LPAR1: variants seen among roughly 807,000 people sequenced by gnomAD.
LPAR1 encodes the protein LPA receptor 1.
In LPAR1, 5 loss-of-function variants were observed where a neutral mutation model predicts 23.8. That is an observed-to-expected ratio of 0.21 (90% CI 0.11 to 0.44). The LOEUF is 0.44. Ranked by LOEUF, LPAR1 falls within the 20% of genes least tolerant of loss-of-function variation. LPAR1 has a pLI of 0.99. For synonymous variants in LPAR1, 160 were observed against 164.7 expected, an observed-to-expected ratio of 0.97 and a Z score of 0.22; for missense variants, 311 against 482.8, an observed-to-expected ratio of 0.64 and a Z score of 3.33.
chr9:111,009,998 A>AATATATATATATATATATAT (rs55696642), intron 2 of LPAR1, among the ~76,000 whole-genome samples: 5 of 123,426 alleles, frequency 4.1e-5, no homozygotes, highest in Admixed American at 8.5e-5. Context: ...TAATTAGGAA[A>AATATATATATATATATATAT]ATATATATAT....
At chr9:110,970,408 A>G (rs1223308065) in intron 4 of LPAR1, among the ~76,000 whole-genome samples, 1 of 152,176 alleles carries the variant, frequency 6.6e-6, no homozygotes, top group African/African-American at 2.4e-5. Flanking sequence ...AAGGGAAACC[A>G]AACACCCAAA....
intron 4 of LPAR1, among the ~76,000 whole-genome samples, chr9:110,962,699 T>C (rs1199993615): frequency 2.0e-5 from 3 of 152,150 alleles, no homozygotes; most frequent in African/African-American, 7.2e-5. Context: ...ATCAACCCAC[T>C]TTTGCTTTTC....
At chr9:111,037,456 CAAG>C (rs1397575393) in intron 1 of LPAR1, among the ~76,000 whole-genome samples, 7 of 152,210 alleles carry the variant, frequency 4.6e-5, no homozygotes, top group Non-Finnish European at 1.0e-4. Flanking sequence ...CAAAGAAAAA[CAAG>C]AATAAACTTT....
upstream of LPAR1, chr9:111,038,490 G>T (rs2097943496): frequency 7.7e-6 from 3 of 389,940 alleles, no homozygotes; most frequent in East Asian, 9.6e-5. This position sits in a 1 kb window ranked among gnomAD's most constrained non-coding sequence, Gnocchi z 4.4. Context: ...TGGCGCGCTG[G>T]CAGGAGGAGG....
At chr9:110,924,627 G>A (rs1291488081) in intron 5 of LPAR1, among the ~76,000 whole-genome samples, 1 of 151,426 alleles carries the variant, frequency 6.6e-6, no homozygotes, top group Non-Finnish European at 1.5e-5. Context: ...AGCCCACTGA[G>A]TTCAATTCCA....
intron 4 of LPAR1, among the ~76,000 whole-genome samples, chr9:110,955,176 T>C (rs1444530778): frequency 1.3e-5 from 2 of 152,188 alleles, no homozygotes; most frequent in Non-Finnish European, 2.9e-5. Flanking sequence ...CCAACTATAC[T>C]GTTACCCACA....
chr9:111,034,184 C>T (rs2097851590), intron 2 of LPAR1, among the ~76,000 whole-genome samples: 1 of 152,218 alleles, frequency 6.6e-6, no homozygotes, highest in Non-Finnish European at 1.5e-5. Flanking sequence ...TGCTACTTGG[C>T]TTCCCTCTCT....
intron 1 of LPAR1, among the ~76,000 whole-genome samples, chr9:111,037,644 G>A (rs1290462016): frequency 2.6e-5 from 4 of 152,190 alleles, no homozygotes; most frequent in African/African-American, 9.6e-5. Context: ...CGGTGGTGGG[G>A]GACAACCGAG....
At chr9:110,942,491 C>T (rs916911983) in intron 4 of LPAR1, among the ~76,000 whole-genome samples, 1 of 152,138 alleles carries the variant, frequency 6.6e-6, no homozygotes, top group African/African-American at 2.4e-5. Flanking sequence ...AAAAATTTTG[C>T]AGAACATTGC....
At position 110,915,040 on chromosome 9, in the gene LPAR1, TAGG is replaced by T. The variant is rs1436025647; in HGVS notation, c.793+26378_793+26380del. Among the ~76,000 whole-genome samples the T allele has an allele frequency of 6.6e-5, 10 of 152,298 alleles. 1 individual carries two copies. Among genetic ancestry groups the T allele is most frequent in the Middle Eastern group, 3.4e-3 (1 of 294 alleles). On this transcript the variant is annotated intron_variant, in intron 5 of 5. Coordinates refer to ENST00000683809, the MANE Select transcript of LPAR1 (RefSeq NM_001351411.2). ...GTGCAAGCTGCATGCACTTGCAGTC[TAGG>T]AGGTCTCTCATTTAAGATGCAGACA...
chr9:110,892,388 C>A (rs1169784894), intron 5 of LPAR1, among the ~76,000 whole-genome samples: 1 of 152,150 alleles, frequency 6.6e-6, no homozygotes, highest in African/African-American at 2.4e-5. Context: ...TAGCTCAGGC[C>A]GGCACGGTGG....
At chr9:111,009,024 G>A (rs193001463) in intron 2 of LPAR1, among the ~76,000 whole-genome samples, 1 of 152,036 alleles carries the variant, frequency 6.6e-6, no homozygotes, top group Non-Finnish European at 1.5e-5. Context: ...ACAAACAGTC[G>A]AAGCAGACTT....
At chr9:110,950,487 G>A (rs546844221) in intron 4 of LPAR1, among the ~76,000 whole-genome samples, 1,883 of 146,424 alleles carry the variant, frequency 0.013, 33 homozygotes, top group Non-Finnish European at 0.018. Context: ...AAAAAAACTG[G>A]AAATTTTTAA....
At chr9:110,952,917 C>T (rs1299657797) in intron 4 of LPAR1, among the ~76,000 whole-genome samples, 1 of 152,178 alleles carries the variant, frequency 6.6e-6, no homozygotes, top group Non-Finnish European at 1.5e-5. Context: ...CCCCAACCAC[C>T]ACCACTGGCA....
intron 2 of LPAR1, among the ~76,000 whole-genome samples, chr9:111,020,899 C>G (rs2097548229): frequency 6.6e-6 from 1 of 152,156 alleles, no homozygotes; most frequent in East Asian, 1.9e-4. Context: ...GTTACCTGGA[C>G]TTCCTGAGTA....
rs118131477 is a variant in LPAR1, at chr9:110,908,332, T to C, written c.794-32610A>G. On this transcript the variant is annotated intron_variant, in intron 5 of 5. Transcript: ENST00000683809. ...ATTAACAAATTAATATTAATTAATA[T>C]ATTATAATTAACTATATATTAAATT... is the stretch of plus-strand genomic sequence containing the variant. Among the ~76,000 whole-genome samples the C allele has an allele frequency of 2.0e-3, 299 of 149,136 alleles. 1 individual carries two copies. Among genetic ancestry groups the C allele is most frequent in the Admixed American group, 2.3e-3 (34 of 14,900 alleles).
At chr9:111,026,930 A>C (rs571628343) in intron 2 of LPAR1, among the ~76,000 whole-genome samples, 1 of 152,308 alleles carries the variant, frequency 6.6e-6, no homozygotes, top group African/African-American at 2.4e-5. Flanking sequence ...TCAGTTTGCC[A>C]GTATTTTATT....
At chr9:110,904,695 C>T (rs76880212) in intron 5 of LPAR1, among the ~76,000 whole-genome samples, 8,247 of 152,250 alleles carry the variant, frequency 0.054, 432 homozygotes, top group African/African-American at 0.13. Context: ...ACCAGAAATT[C>T]CTGGACCTTA....
chr9:110,886,875 T>G (rs1018382125), intron 5 of LPAR1, among the ~76,000 whole-genome samples: 2 of 152,180 alleles, frequency 1.3e-5, no homozygotes, highest in African/African-American at 2.4e-5. Context: ...TCATCTAACT[T>G]AGAAAGTGAT....
Sources: allele counts gnomAD v4.1 joint callset (sites outside exome capture counted in the v4.1 genomes callset), GRCh38; gene constraint gnomAD v4.1.1; non-coding constraint Gnocchi (gnomAD v3.1); transcripts MANE v1.5; gene names NCBI Gene and HGNC (gene_info 2026-07-23, HGNC 2026-07-21).